The following MYH9 variants were observed in gnomAD, a reference collection of about 807,000 sequenced individuals.
MYH9 encodes myosin heavy chain 9, also known as myosin-9.
MYH9 carries 29 observed loss-of-function variants against 241.9 expected under a neutral mutation model. That is an observed-to-expected ratio of 0.12 (90% CI 0.09 to 0.16). The LOEUF is 0.16. Among genes scored for constraint, MYH9 ranks in the 10% least tolerant of loss-of-function variants. MYH9 has a pLI of 1.00. For synonymous variants in MYH9, 1,047 were observed against 1,062.6 expected (o/e 0.99, Z 0.29); for missense variants, 1,803 against 2,595.5 (o/e 0.69, Z 6.63).
Position 36,289,316 on chromosome 22 carries a change from C to G in MYH9, c.4345-19G>C, listed in dbSNP as rs1205188032. Reference sequence around the variant, plus strand: ...CCAGGAGCTGGGAAAGAGGTGGGCACCATGAGGCTCAGAGCTACGGCCCCC... The same window carrying G: ...CCAGGAGCTGGGAAAGAGGTGGGCAGCATGAGGCTCAGAGCTACGGCCCCC... On this transcript the variant is annotated intron_variant, in intron 31 of 40. Transcript: ENST00000216181. 1 of 1,596,228 alleles carries G rather than the reference C, an allele frequency of 6.3e-7. No individual in the cohort carries two copies. The highest frequency in any genetic ancestry group is 1.3e-5 in the African/African-American group (1 of 74,620).
At chr22:36,369,267 T>A (rs2018056530) in intron 1 of MYH9, among the ~76,000 whole-genome samples, 1 of 151,852 alleles carries the variant, frequency 6.6e-6, no homozygotes, top group Non-Finnish European at 1.5e-5. Context: ...CCAGGTAGAG[T>A]TCAGGGGAAG....
intron 4 of MYH9, among the ~76,000 whole-genome samples, 190 bp from the exon 5 acceptor site, chr22:36,326,851 A>G (rs914206365): frequency 6.6e-6 from 1 of 152,248 alleles, no homozygotes; most frequent in Non-Finnish European, 1.5e-5. Context: ...ATGGCTCTCC[A>G]GGGGCCAGAC....
intron 1 of MYH9, among the ~76,000 whole-genome samples, chr22:36,377,528 G>C (rs921305611): frequency 2.0e-5 from 3 of 151,918 alleles, no homozygotes; most frequent in African/African-American, 7.2e-5. Context: ...TCAATGCCGG[G>C]GGCGAGTTCC....
chr22:36,337,846 G>A (rs894845525), intron 3 of MYH9, among the ~76,000 whole-genome samples: 2 of 152,084 alleles, frequency 1.3e-5, no homozygotes, highest in African/African-American at 4.8e-5. Context: ...AGAACCAAAG[G>A]TTCCTCTGGA....
rs2016733952 is a variant in MYH9, at chr22:36,293,207, C to T, written c.4095+122G>A. ...TGATGTGGGAGAGCACGGTTGGCTTCCCAGGGGGAGAGCAGCAATGGGCCG... is the reference window on the plus strand; with the variant it reads ...TGATGTGGGAGAGCACGGTTGGCTTTCCAGGGGGAGAGCAGCAATGGGCCG... On this transcript the variant is annotated intron_variant, in intron 30 of 40. Transcript: ENST00000216181. This position sits in a 1 kb window ranked among gnomAD's most constrained non-coding sequence, Gnocchi z 5.1. 7.4e-7 allele frequency: 1 copy of T among 1,350,054 alleles called. No individual in the cohort carries two copies. The highest frequency in any genetic ancestry group is 2.4e-5 in the East Asian group (1 of 41,582). The allele number at this position is 1,350,054 out of a possible 1,614,324, so 83.6% of individuals were successfully genotyped here.
In MYH9 at chr22:36,297,009, G is replaced by A. The variant is rs1205232668; in HGVS notation, c.3106C>T (p.Leu1036Phe). ...TGTCGCTGCTTCTCCTCCCTGCGGAGGCGCTCTGCAATGCAGGGGGAGCCC... is the reference window on the plus strand; with the variant it reads ...TGTCGCTGCTTCTCCTCCCTGCGGAAGCGCTCTGCAATGCAGGGGGAGCCC... ...EAMITDLEER[L>F]RREEKQRQEL... Residue 1036 changes from leucine to phenylalanine, a missense_variant, in exon 25 of 41, where the codon CTC becomes TTC. Transcript: ENST00000216181. The A allele has an allele frequency of 1.2e-5, 20 of 1,613,812 alleles. No individual in the cohort carries two copies. The highest frequency in any genetic ancestry group is 1.7e-5 in the Non-Finnish European group (20 of 1,180,040).
chr22:36,336,603 C>T (rs1242147291), intron 3 of MYH9, among the ~76,000 whole-genome samples: 3 of 152,216 alleles, frequency 2.0e-5, no homozygotes, highest in South Asian at 2.1e-4. Flanking sequence ...GCCATGACAA[C>T]GAATTAACAA....
chr22:36,359,804 C>T (rs1031900661), intron 1 of MYH9, among the ~76,000 whole-genome samples: 4 of 152,216 alleles, frequency 2.6e-5, no homozygotes, highest in African/African-American at 9.7e-5. Flanking sequence ...CTGGCAACAT[C>T]AACCTTTGGT....
At chr22:36,316,372 C>T (rs2017152295) in intron 12 of MYH9, 145 bp downstream of exon 12, 1 of 1,168,522 alleles carries the variant, frequency 8.6e-7, no homozygotes, top group Non-Finnish European at 1.3e-6. Context: ...AAAAAAACAA[C>T]CCCACACCCA....
In MYH9 at chr22:36,305,124, T is replaced by C; in HGVS notation, c.2160-22A>G. ...ATATCTGAGGAAGGAAAGAGAAGCC[T>C]GGTCATTTTACCCATTGCCTCGATT... On this transcript the variant is annotated intron_variant, in intron 17 of 40. Coordinates refer to ENST00000216181, the MANE Select transcript of MYH9 (RefSeq NM_002473.6). The surrounding 1 kb of genome is among the most constrained non-coding windows in gnomAD (Gnocchi z 4.7). 2 of 1,602,694 alleles carry C rather than the reference T, an allele frequency of 1.2e-6. No homozygotes were observed. Among genetic ancestry groups the C allele is most frequent in the South Asian group, 2.2e-5 (2 of 90,826 alleles).
chr22:36,316,409 G>A, intron 12 of MYH9, 108 bp downstream of exon 12: 2 of 1,531,922 alleles, frequency 1.3e-6, no homozygotes, highest in Non-Finnish European at 1.8e-6. Flanking sequence ...AAAGGAGATG[G>A]CCAACTCAGA....
intron 31 of MYH9, among the ~76,000 whole-genome samples, chr22:36,290,806 C>A (rs2016680383): frequency 1.3e-5 from 2 of 151,854 alleles, no homozygotes; most frequent in African/African-American, 4.8e-5. Context: ...GCCGCCCCGT[C>A]TGGGATGTGA....
chr22:36,308,081 A>G (rs1378497508), intron 15 of MYH9, among the ~76,000 whole-genome samples: 1 of 152,008 alleles, frequency 6.6e-6, no homozygotes, highest in Non-Finnish European at 1.5e-5. Flanking sequence ...CATGGAGCAG[A>G]CCTTGCCGAG....
rs1378101601 is a variant in MYH9, at chr22:36,299,061, G to A, written c.2977-19C>T. On this transcript the variant is annotated intron_variant, in intron 23 of 40. Transcript: ENST00000216181. Reference sequence around the variant, plus strand: ...TCTTTTCCTGGGGAGAGGGGAGTAGGCTGGCATTTAGTGTTGGTTGAGCAC... The same window carrying A: ...TCTTTTCCTGGGGAGAGGGGAGTAGACTGGCATTTAGTGTTGGTTGAGCAC... 4 of 1,613,794 alleles carry A rather than the reference G, an allele frequency of 2.5e-6. No homozygotes were observed. The Admixed American group carries it at 6.7e-5, about 27-fold the overall frequency.
chr22:36,282,114 G>A lies in MYH9; in HGVS notation c.*554C>T, dbSNP rs1010005000. On this transcript the variant is annotated 3_prime_UTR_variant, in exon 41 of 41. Transcript: ENST00000216181. ...TTCTGTGCCCTGCACAGAGGTGGAG[G>A]CCCAGGGCCTGCTCCTTCTGGACCG... 3.9e-6 allele frequency: 1 copy of A among 253,764 alleles called. No individual in the cohort carries two copies. The highest frequency in any genetic ancestry group is 4.8e-5 in the Admixed American group (1 of 20,904). 15.7% of individuals were successfully genotyped at this position (253,764 alleles called of 1,614,324 possible). A position where few individuals can be genotyped will look rare whatever the true frequency, so the allele number is the denominator to read the frequency against.
In MYH9 at chr22:36,288,413, C is replaced by A; in HGVS notation, c.4771G>T (p.Val1591Leu). The A allele has an allele frequency of 6.2e-7, 1 of 1,608,978 alleles. No individual in the cohort carries two copies. The highest frequency in any genetic ancestry group is 8.5e-7 in the Non-Finnish European group (1 of 1,179,876). ...EEKKKQLVRQVREMEAELEDE... is the reference protein window; with the variant it reads ...EEKKKQLVRQLREMEAELEDE... Reference sequence around the variant, plus strand: ...TCCAGCTCTGCCTCCATCTCCCGCACCTGGGGGAAGGAACATCAACAACTT... The same window carrying A: ...TCCAGCTCTGCCTCCATCTCCCGCAACTGGGGGAAGGAACATCAACAACTT... The change falls in exon 34 of 41, where the codon GTG becomes TTG. Residue 1591 changes from valine (V) to leucine (L), a missense_variant and splice_region_variant. Physicochemically the swap from Val to Leu is conservative, Grantham distance 32. Around this residue, in one of 11 missense-constraint regions of MYH9, gnomAD observed 876 missense variants for 1,077.8 expected, o/e 0.81. Coordinates refer to ENST00000216181, the MANE Select transcript of MYH9 (RefSeq NM_002473.6). This position sits in a 1 kb window ranked among gnomAD's most constrained non-coding sequence, Gnocchi z 4.8.
chr22:36,355,214 G>A (rs935231885), intron 1 of MYH9, among the ~76,000 whole-genome samples: 6 of 152,052 alleles, frequency 3.9e-5, no homozygotes, highest in African/African-American at 7.3e-5. Context: ...GGCCATAATC[G>A]AGCGGGACAC....
chr22:36,363,726 C>T (rs2017969239), intron 1 of MYH9, among the ~76,000 whole-genome samples: 1 of 152,162 alleles, frequency 6.6e-6, no homozygotes, highest in African/African-American at 2.4e-5. Context: ...ATGGTGGGGA[C>T]GTCCCCTCCT....
At chr22:36,357,310 C>T (rs560388254) in intron 1 of MYH9, among the ~76,000 whole-genome samples, 4 of 152,216 alleles carry the variant, frequency 2.6e-5, no homozygotes, top group South Asian at 4.1e-4. Flanking sequence ...AAAGGTATCC[C>T]GGGCCGAGGG....
Sources: allele counts gnomAD v4.1 joint callset (sites outside exome capture counted in the v4.1 genomes callset), GRCh38; gene constraint gnomAD v4.1.1; regional missense constraint gnomAD v4.1.1; non-coding constraint Gnocchi (gnomAD v3.1); transcripts MANE v1.5; gene names NCBI Gene and HGNC (gene_info 2026-07-23, HGNC 2026-07-21).